The following ZNF99 variants were observed in gnomAD, a reference collection of about 807,000 sequenced individuals.
ZNF99 encodes the protein zinc finger protein 99.
ZNF99 carries 8 observed loss-of-function variants against 12.8 expected under a neutral mutation model. The ratio of observed to expected loss-of-function variants is 0.62; its 90% confidence interval spans 0.37 to 1.13. The LOEUF (loss-of-function observed/expected upper bound fraction) is 1.13. ZNF99 is among the 50% of genes most tolerant of loss of function. ZNF99 has a pLI of 0.02. For missense variants in ZNF99, 1,007 were observed against 1,006.2 expected (o/e 1.00, Z -0.01); for synonymous variants, 318 against 319.0 (o/e 1.00, Z 0.03).
At chr19:22,773,217 A>G (rs1973291614) in intron 1 of ZNF99, among the ~76,000 whole-genome samples, 1 of 152,238 alleles carries the variant, frequency 6.6e-6, no homozygotes, top group Non-Finnish European at 1.5e-5. Flanking sequence ...AGTTTCCTCT[A>G]GCTTAAAGCT....
intron 3 of ZNF99, among the ~76,000 whole-genome samples, chr19:22,767,107 C>CAAAAAAAAAAAAAAAAAAAAACAAAAAA (rs35316902): frequency 1.2e-5 from 1 of 81,748 alleles, no homozygotes; most frequent in African/African-American, 3.7e-5. Context: ...CTGTCTCTAC[C>CAAAAAAAAAAAAAAAAAAAAACAAAAAA]AAAAAAAAAA....
chr19:22,761,557 C>G (rs1973151052), intron 3 of ZNF99, among the ~76,000 whole-genome samples: 1 of 152,040 alleles, frequency 6.6e-6, no homozygotes, highest in Non-Finnish European at 1.5e-5. Context: ...CTTCAATACT[C>G]CACTGACAGC....
Position 22,758,822 on chromosome 19 carries a change from G to T in ZNF99, c.1087C>A (p.His363Asn). 1.2e-6 allele frequency: 2 copies of T among 1,606,120 alleles called. No homozygotes were observed. Among genetic ancestry groups the T allele is most frequent in the Non-Finnish European group, 1.7e-6 (2 of 1,175,058 alleles). ...SSTLRKHEII[H>N]TEEKPYKYEE... ...TATTTGTAGGGTTTCTCTTCAGTAT[G>T]AATTATCTCATGTTTTCTAAGGGTT... Residue 363 changes from histidine to asparagine, a missense_variant, in exon 4 of 4, where the codon CAT (histidine) becomes AAT (asparagine). Coordinates refer to ENST00000596209, the MANE Select transcript of ZNF99 (RefSeq NM_001080409.3).
At chr19:22,769,496 A>G (rs138755145) in intron 1 of ZNF99, among the ~76,000 whole-genome samples, 172 bp from the exon 2 acceptor site, 11 of 152,026 alleles carry the variant, frequency 7.2e-5, no homozygotes, top group African/African-American at 2.7e-4. Context: ...GGCTGGGCGC[A>G]GTGGCTCATG....
At chr19:22,777,726 T>C (rs996426489) in intron 1 of ZNF99, among the ~76,000 whole-genome samples, 6 of 152,176 alleles carry the variant, frequency 3.9e-5, no homozygotes, top group African/African-American at 1.4e-4. Context: ...GCAGATTCAG[T>C]GTCTGGGGTT....
chr19:22,754,147 A>C lies in ZNF99; in HGVS notation c.*3167T>G. 4.4e-6 allele frequency: 2 copies of C among 453,634 alleles called. No individual in the cohort carries two copies. The highest frequency in any genetic ancestry group is 1.6e-5 in the South Asian group (1 of 64,416). The allele number at this position is 453,634 out of a possible 1,614,324, so 28.1% of individuals were successfully genotyped here. On this transcript the variant is annotated 3_prime_UTR_variant, in exon 4 of 4. Transcript: ENST00000596209. ...TTTGGGAGGCCAAGGCGGGTGGATC[A>C]CTTGAGGTCAGGAGTTCAAAACCAG...
At position 22,759,249 on chromosome 19, in the gene ZNF99, C is replaced by G; in HGVS notation, c.660G>C (p.Lys220Asn). 6.4e-7 allele frequency: 1 copy of G among 1,554,792 alleles called. No homozygotes were observed. The highest frequency in any genetic ancestry group is 8.7e-7 in the Non-Finnish European group (1 of 1,150,456). ...FKWFSTLIKH[K>N]IIHTEDKPYK... Reference sequence around the variant, plus strand: ...AGGGTTTGTCTTCAGTATGAATTATCTTATGTTTAATAAGGGTTGAGAACC... The same window carrying G: ...AGGGTTTGTCTTCAGTATGAATTATGTTATGTTTAATAAGGGTTGAGAACC... The change falls in exon 4 of 4, where the codon AAG becomes AAC. Residue 220 changes from lysine to asparagine, a missense_variant. Coordinates refer to ENST00000596209, the MANE Select transcript of ZNF99 (RefSeq NM_001080409.3).
chr19:22,756,581 G>T lies in ZNF99; in HGVS notation c.*733C>A, dbSNP rs536305484. 1.9e-6 allele frequency: 3 copies of T among 1,593,176 alleles called. No individual in the cohort carries two copies. Among genetic ancestry groups the T allele is most frequent in the Non-Finnish European group, 2.6e-6 (3 of 1,173,588 alleles). The stretch of plus-strand genomic sequence containing the variant: ...TGAATTGATTTATGTTTAGTAAGGT[G>T]TGAGGATTGCTTAAAAGCTTTGCCA... On this transcript the variant is annotated 3_prime_UTR_variant, in exon 4 of 4. Coordinates refer to ENST00000596209, the MANE Select transcript of ZNF99 (RefSeq NM_001080409.3).
At position 22,755,072 on chromosome 19, in the gene ZNF99, T is replaced by A. The variant is rs1254689589; in HGVS notation, c.*2242A>T. On this transcript the variant is annotated 3_prime_UTR_variant, in exon 4 of 4. Coordinates refer to ENST00000596209, the MANE Select transcript of ZNF99 (RefSeq NM_001080409.3). Reference sequence around the variant, plus strand: ...TGGGCAACTAGGGCGAAACTCTGTTTCAAAAAAAAAAAAAAAAAAATTGAA... The same window carrying A: ...TGGGCAACTAGGGCGAAACTCTGTTACAAAAAAAAAAAAAAAAAAATTGAA... The A allele has an allele frequency of 7.7e-5, 3 of 38,984 alleles. No homozygotes were observed. The highest frequency in any genetic ancestry group is 1.6e-4 in the Non-Finnish European group (3 of 19,146). The allele number at this position is 38,984 out of a possible 1,614,324, so 2.4% of individuals were successfully genotyped here. A position where few individuals can be genotyped will look rare whatever the true frequency, so the allele number is the denominator to read the frequency against.
chr19:22,760,585 A>G (rs1973139729), intron 3 of ZNF99, among the ~76,000 whole-genome samples: 3 of 152,118 alleles, frequency 2.0e-5, no homozygotes, highest in Admixed American at 2.0e-4. Context: ...TCCACTAAAA[A>G]TACAAAAAAT....
At chr19:22,769,820 T>C in intron 1 of ZNF99, 1 of 1,265,036 alleles carries the variant, frequency 7.9e-7, no homozygotes, top group South Asian at 1.4e-5. Flanking sequence ...TCTCAAACTC[T>C]GAGAAAAAAA....
rs746536673 is a variant in ZNF99 at position 22,784,041 on chromosome 19, C to A, written c.-25G>T. ...TTTCTAAGCTTCCAGGGGGTCCTGG[C>A]GTCCTAGCTGTGGATCTCCAAATAC... On this transcript the variant is annotated 5_prime_UTR_variant, in exon 1 of 4. Transcript: ENST00000596209. 2.5e-6 allele frequency: 4 copies of A among 1,613,436 alleles called. No homozygotes were observed. Among genetic ancestry groups the A allele is most frequent in the Non-Finnish European group, 3.4e-6 (4 of 1,179,710 alleles).
At chr19:22,763,904 C>T (rs76177310) in intron 3 of ZNF99, among the ~76,000 whole-genome samples, 9,027 of 101,816 alleles carry the variant, frequency 0.089, 433 homozygotes, top group South Asian at 0.13. Flanking sequence ...TTTTTCTTTC[C>T]TTTTTTTTTT....
intron 2 of ZNF99, 78 bp from the exon 3 acceptor site, chr19:22,768,478 A>C: frequency 8.4e-7 from 1 of 1,193,938 alleles, no homozygotes; most frequent in South Asian, 1.6e-5. Context: ...AATGTAATAG[A>C]ATATTCTAGT....
chr19:22,768,343 C>T lies in ZNF99; in HGVS notation c.188G>A (p.Trp63Ter), dbSNP rs1325109887. 2.5e-6 allele frequency: 4 copies of T among 1,613,804 alleles called. No individual in the cohort carries two copies. Among genetic ancestry groups the T allele is most frequent in the Non-Finnish European group, 3.4e-6 (4 of 1,179,942 alleles). ...ITCLKQGKEP[W>*]NMKRHEMVTK... ...TACCATCTCATGTCTCTTCATATTC[C>T]AAGGCTCTTTCCCTTGCTTCAGACA... Residue 63 changes from tryptophan to a stop codon, truncating the protein, a stop_gained, in exon 3 of 4, where the codon TGG becomes TAG. Transcript: ENST00000596209. LOFTEE classifies it low-confidence loss of function (END_TRUNC).
intron 1 of ZNF99, chr19:22,769,799 C>T: frequency 8.9e-7 from 1 of 1,129,574 alleles, no homozygotes; most frequent in Non-Finnish European, 1.1e-6. Context: ...AAGAAATATT[C>T]TCTAATGTAT....
chr19:22,772,980 T>C (rs1209002445), intron 1 of ZNF99, among the ~76,000 whole-genome samples: 1 of 152,130 alleles, frequency 6.6e-6, no homozygotes, highest in Non-Finnish European at 1.5e-5. Context: ...CTGGGCCCCA[T>C]GGTCTGTGAA....
chr19:22,772,677 CAA>C (rs554077499), intron 1 of ZNF99, among the ~76,000 whole-genome samples: 20 of 112,792 alleles, frequency 1.8e-4, no homozygotes, highest in Non-Finnish European at 1.5e-4. Flanking sequence ...AATTCTGTCT[CAA>C]AAAAAAAAAA....
At chr19:22,783,915 G>A (rs1973418646) in intron 1 of ZNF99, 99 bp downstream of exon 1, 5 of 1,468,870 alleles carry the variant, frequency 3.4e-6, no homozygotes, top group Non-Finnish European at 3.8e-6. Flanking sequence ...GCAGACTGTG[G>A]AGCTCACTGA....
Sources: allele counts gnomAD v4.1 joint callset (sites outside exome capture counted in the v4.1 genomes callset), GRCh38; gene constraint gnomAD v4.1.1; transcripts MANE v1.5; gene names NCBI Gene and HGNC (gene_info 2026-07-23, HGNC 2026-07-21).